Variants in EARS2 observed in about 807,000 individuals in gnomAD.
EARS2 encodes the protein nondiscriminating glutamyl-tRNA synthetase EARS2, mitochondrial.
In EARS2, 50 loss-of-function variants were observed where a neutral mutation model predicts 54.1. The observed-to-expected ratio is 0.92, with a 90% CI of 0.74 to 1.17. EARS2 has a LOEUF of 1.17. Ranked by LOEUF, EARS2 falls within the 50% of genes most tolerant of loss-of-function variation. EARS2 has a pLI of 0.00. For synonymous variants in EARS2, 298 were observed against 281.0 expected (o/e 1.06, Z -0.61); for missense variants, 673 against 675.0 (o/e 1.00, Z 0.03).
intron 2 of EARS2, among the ~76,000 whole-genome samples, chr16:23,547,342 G>A (rs948801525): frequency 6.6e-6 from 1 of 152,170 alleles, no homozygotes; most frequent in African/African-American, 2.4e-5. Context: ...CAGGTGGTAG[G>A]AGAGGGTAGA....
chr16:23,532,761 G>A lies in EARS2; in HGVS notation c.963C>T (p.Asn321=). The part of the protein sequence containing the change: ...ITNCGSGFAE[N]QMGRTLPELI... ...GCTCCGGCAGGGTCCTGCCCATTTG[G>A]TTCTCTGCAAAGAAGAGAGGCCCAG... The change falls in exon 5 of 9, where the codon AAC becomes AAT. Residue 321 remains asparagine, a synonymous_variant. Transcript: ENST00000449606. The A allele has an allele frequency of 6.2e-7, 1 of 1,612,160 alleles. No individual in the cohort carries two copies. The highest frequency in any genetic ancestry group is 8.5e-7 in the Non-Finnish European group (1 of 1,178,660).
At chr16:23,545,735 C>A (rs879945268) in intron 2 of EARS2, among the ~76,000 whole-genome samples, 1 of 152,202 alleles carries the variant, frequency 6.6e-6, no homozygotes, top group Non-Finnish European at 1.5e-5. Flanking sequence ...GTGATCATAG[C>A]ACACTGCAGC....
intron 2 of EARS2, 131 bp downstream of exon 2, chr16:23,552,018 G>T: frequency 8.8e-7 from 1 of 1,137,222 alleles, no homozygotes; most frequent in Non-Finnish European, 1.2e-6. Flanking sequence ...CCCGGGCAGG[G>T]CAGTACAAAT....
chr16:23,557,092 C>A (rs1965806602), intron 1 of EARS2, 113 bp downstream of exon 1: 2 of 1,431,708 alleles, frequency 1.4e-6, no homozygotes, highest in South Asian at 1.4e-5. Context: ...CTGCCTTAAC[C>A]CTCCTCCGCC....
chr16:23,525,490 G>T, intron 7 of EARS2, 111 bp from the exon 8 acceptor site: 1 of 1,238,310 alleles, frequency 8.1e-7, no homozygotes, highest in Non-Finnish European at 1.1e-6. Context: ...CACAACCAAT[G>T]TTCAAGCCTG....
chr16:23,555,198 C>T (rs574354481), intron 1 of EARS2, among the ~76,000 whole-genome samples: 1 of 152,238 alleles, frequency 6.6e-6, no homozygotes, highest in Admixed American at 6.5e-5. Context: ...ATAATTTGCA[C>T]ATCTAGGCCA....
intron 3 of EARS2, among the ~76,000 whole-genome samples, chr16:23,537,784 CTTTT>C (rs1165015024): frequency 1.4e-5 from 2 of 146,680 alleles, no homozygotes; most frequent in African/African-American, 2.6e-5. Context: ...CTTTTCTTTT[CTTTT>C]TCTTTCTTTT....
chr16:23,541,699 C>CCTT (rs397708106), intron 3 of EARS2, among the ~76,000 whole-genome samples: 19 of 42,226 alleles, frequency 4.5e-4, no homozygotes, highest in South Asian at 2.0e-3. Context: ...TGTGGATCTT[C>CCTT]TTTTTTTTTT....
intron 2 of EARS2, among the ~76,000 whole-genome samples, chr16:23,547,465 T>A (rs1350327002): frequency 6.6e-6 from 1 of 152,198 alleles, no homozygotes; most frequent in Non-Finnish European, 1.5e-5. Context: ...CACTGAATTG[T>A]ACACTTTGAT....
Position 23,529,890 on chromosome 16 carries a change from G to A in EARS2, c.1075C>T (p.Leu359Phe). 3.1e-6 allele frequency: 5 copies of A among 1,614,088 alleles called. No individual in the cohort carries two copies. The highest frequency in any genetic ancestry group is 4.2e-6 in the Non-Finnish European group (5 of 1,180,032). The change falls in exon 6 of 9, where the codon CTC (leucine) becomes TTC (phenylalanine). Residue 359 changes from leucine to phenylalanine, a missense_variant. Transcript: ENST00000449606. ...CTCTCATTGCTCACCAGCCGCTGGA[G>A]GTGCAGTCTGCGGAAGAAATCAAGG... ...EKLPEFNRLHLQRLVSNESQR... is the reference protein window; with the variant it reads ...EKLPEFNRLHFQRLVSNESQR...
rs367554710 is a variant in EARS2 at position 23,520,941 on chromosome 16, A to G, written c.*3430T>C. Among the ~76,000 whole-genome samples the G allele has an allele frequency of 6.6e-6, 1 of 151,882 alleles. No individual in the cohort carries two copies. The highest frequency in any genetic ancestry group is 1.5e-5 in the Non-Finnish European group (1 of 67,982). On this transcript the variant is annotated 3_prime_UTR_variant, in exon 9 of 9. Coordinates refer to ENST00000449606, the MANE Select transcript of EARS2 (RefSeq NM_001083614.2). ...CAAGTAGCTGGGATTATAGGTATGTACCACCACACCTGGCTAATTTTTGTA... is the reference window on the plus strand; with the variant it reads ...CAAGTAGCTGGGATTATAGGTATGTGCCACCACACCTGGCTAATTTTTGTA...
At chr16:23,549,452 C>T (rs572600113) in intron 2 of EARS2, among the ~76,000 whole-genome samples, 1 of 152,294 alleles carries the variant, frequency 6.6e-6, no homozygotes, top group East Asian at 1.9e-4. Context: ...AGCGAGGCCC[C>T]GACAGAGGTG....
At chr16:23,525,867 G>A (rs1040411995) in intron 7 of EARS2, among the ~76,000 whole-genome samples, 22 of 151,658 alleles carry the variant, frequency 1.5e-4, no homozygotes, top group Middle Eastern at 3.4e-3. Context: ...GGATGGTGGC[G>A]GGTGCCTGTA....
At chr16:23,537,039 C>A (rs558956156) in intron 3 of EARS2, 2 of 197,632 alleles carry the variant, frequency 1.0e-5, no homozygotes, top group South Asian at 1.6e-4. Flanking sequence ...GGGTGTTCAG[C>A]TGCAGAAGCA....
chr16:23,553,266 A>T (rs1245339315), intron 1 of EARS2: 1 of 154,060 alleles, frequency 6.5e-6, no homozygotes, highest in Non-Finnish European at 1.4e-5. Context: ...ATGTCATTTT[A>T]TTAAAAGGCT....
chr16:23,544,437 G>A, intron 3 of EARS2, 77 bp downstream of exon 3: 1 of 1,409,736 alleles, frequency 7.1e-7, no homozygotes, highest in Non-Finnish European at 9.7e-7. Context: ...ACATGTTTAG[G>A]GGAATTTCTT....
intron 2 of EARS2, 74 bp downstream of exon 2, chr16:23,552,075 G>A (rs930627863): frequency 2.6e-6 from 4 of 1,553,318 alleles, no homozygotes; most frequent in African/African-American, 2.7e-5. Flanking sequence ...AGAACTCCAT[G>A]AGAAGACCCA....
chr16:23,538,418 C>T (rs749893161), intron 3 of EARS2, among the ~76,000 whole-genome samples: 19 of 152,144 alleles, frequency 1.2e-4, no homozygotes, highest in Admixed American at 6.6e-5. Flanking sequence ...GGATTACAGG[C>T]GTGAGCCACC....
intron 4 of EARS2, among the ~76,000 whole-genome samples, chr16:23,533,468 G>C (rs373681850): frequency 6.6e-6 from 1 of 152,122 alleles, no homozygotes; most frequent in East Asian, 1.9e-4. Context: ...CATAAGGGAG[G>C]CTGAGTGAGC....
Sources: gnomAD v4.1 joint callset for allele counts (sites outside exome capture counted in the v4.1 genomes callset) on GRCh38, gnomAD v4.1.1 for gene constraint, MANE v1.5 for transcripts, NCBI Gene and HGNC (gene_info 2026-07-23, HGNC 2026-07-21) for gene names.